The following IL1RAPL1 variants were observed in gnomAD, a reference collection of about 807,000 sequenced individuals.
IL1RAPL1 encodes the protein interleukin 1 receptor accessory protein like 1.
In IL1RAPL1, 3 loss-of-function variants were observed where a neutral mutation model predicts 48.4. The ratio of observed to expected loss-of-function variants is 0.06; its 90% CI spans 0.03 to 0.16. The LOEUF (loss-of-function observed/expected upper bound fraction) is 0.16. Among genes scored for constraint, IL1RAPL1 ranks in the 10% least tolerant of loss-of-function variants. IL1RAPL1 has a pLI of 1.00. For missense variants in IL1RAPL1, 349 were observed against 530.6 expected, an observed-to-expected ratio of 0.66 and a Z score of 3.36; for synonymous variants, 185 against 187.7, an observed-to-expected ratio of 0.99 and a Z score of 0.12.
At chrX:28,679,179 C>G (rs778469985) in intron 1 of IL1RAPL1, among the ~76,000 whole-genome samples, 6 of 111,781 alleles carry the variant, frequency 5.4e-5, no homozygotes, top group Non-Finnish European at 1.1e-4. Flanking sequence ...TGCATTTTCC[C>G]CATAATTAGC....
At chrX:28,712,113 T>C (rs1935448347) in intron 1 of IL1RAPL1, among the ~76,000 whole-genome samples, 1 of 111,189 alleles carries the variant, frequency 9.0e-6, no homozygotes, top group Non-Finnish European at 1.9e-5. Flanking sequence ...CTAGAAAGTC[T>C]GATGAATTGC....
intron 5 of IL1RAPL1, among the ~76,000 whole-genome samples, chrX:29,612,323 G>A (rs555930813): frequency 4.6e-4 from 51 of 109,805 alleles, no homozygotes; most frequent in African/African-American, 1.7e-3. Flanking sequence ...ACATACATTT[G>A]CAAAATGACA....
At chrX:28,617,300 G>C (rs1934231641) in intron 1 of IL1RAPL1, among the ~76,000 whole-genome samples, 1 of 111,135 alleles carries the variant, frequency 9.0e-6, no homozygotes, top group Non-Finnish European at 1.9e-5. Context: ...TAGTCTTTTT[G>C]GGGAAGAGGC....
intron 3 of IL1RAPL1, among the ~76,000 whole-genome samples, chrX:29,307,719 C>T (rs1429395281): frequency 8.9e-6 from 1 of 111,963 alleles, no homozygotes; most frequent in Non-Finnish European, 1.9e-5. Context: ...TATCTTATTG[C>T]ACTGAATGTA....
intron 6 of IL1RAPL1, among the ~76,000 whole-genome samples, chrX:29,733,502 G>C (rs148327801): frequency 0.011 from 1,203 of 111,930 alleles, 10 homozygotes; most frequent in African/African-American, 0.037. Flanking sequence ...GTGACCTTCA[G>C]AACTTTATGT....
intron 1 of IL1RAPL1, among the ~76,000 whole-genome samples, chrX:28,601,424 C>T (rs936502644): frequency 5.4e-5 from 6 of 110,568 alleles, no homozygotes; most frequent in Non-Finnish European, 1.1e-4. Context: ...GACTCCATCT[C>T]AAAACAAAAC....
At chrX:29,300,212 A>G (rs1437447585) in intron 3 of IL1RAPL1, among the ~76,000 whole-genome samples, 1 of 111,851 alleles carries the variant, frequency 8.9e-6, no homozygotes, top group Non-Finnish European at 1.9e-5. Context: ...TGATCCTTTT[A>G]AGAGAGTTCT....
intron 2 of IL1RAPL1, among the ~76,000 whole-genome samples, chrX:29,076,776 C>T (rs767499718): frequency 6.2e-4 from 42 of 67,702 alleles, no homozygotes; most frequent in Non-Finnish European, 3.3e-4. Flanking sequence ...ACAGATCTAT[C>T]TATCTGTCTG....
chrX:29,285,663 A>G (rs1932273684), intron 3 of IL1RAPL1, among the ~76,000 whole-genome samples: 1 of 111,261 alleles, frequency 9.0e-6, no homozygotes, highest in Non-Finnish European at 1.9e-5. Context: ...AGGTGAAACT[A>G]AAAGACAAAT....
rs952672729 is a variant in IL1RAPL1, at chrX:29,617,502, C to T, written c.704-50928C>T. Among the ~76,000 whole-genome samples, 5 of 111,940 alleles carry T rather than the reference C, an allele frequency of 4.5e-5. No homozygotes were observed. In the Admixed American group the frequency reaches 4.7e-4, roughly 11 times the overall value. On this transcript the variant is annotated intron_variant, in intron 5 of 10. Coordinates refer to ENST00000378993, the MANE Select transcript of IL1RAPL1 (RefSeq NM_014271.4). ...ATCTCTGGTGAGTCAATGAATCTCTCGCAGTTTATTTAGGTCAGGAGCTAT... is the reference window on the plus strand; with the variant it reads ...ATCTCTGGTGAGTCAATGAATCTCTTGCAGTTTATTTAGGTCAGGAGCTAT...
chrX:29,550,297 T>C lies in IL1RAPL1; in HGVS notation c.704-118133T>C, dbSNP rs1251169745. 4.5e-5 allele frequency among the ~76,000 whole-genome samples: 5 copies of C among 111,008 alleles called. No homozygotes were observed. The East Asian group carries it at 1.4e-3, about 31-fold the overall frequency. On this transcript the variant is annotated intron_variant, in intron 5 of 10. Transcript: ENST00000378993. ...AGCTCCGCCTCCCGGGTTCACGCCA[T>C]TCTCCTGCCTCAGCCTCCCGAGTAG...
intron 6 of IL1RAPL1, among the ~76,000 whole-genome samples, chrX:29,817,475 G>A (rs141674757): frequency 0.012 from 1,336 of 110,887 alleles, 23 homozygotes; most frequent in African/African-American, 0.041. Context: ...AAAGGTGTAT[G>A]AAGTACAATG....
intron 2 of IL1RAPL1, among the ~76,000 whole-genome samples, chrX:29,079,777 A>T (rs1217923901): frequency 9.9e-5 from 11 of 111,263 alleles, no homozygotes; most frequent in Non-Finnish European, 1.9e-4. Context: ...GGCAGTCGGT[A>T]AAAGTTCCAA....
In IL1RAPL1 at chrX:28,902,664, C is replaced by G. The variant is rs182995915; in HGVS notation, c.82+113239C>G. Reference sequence around the variant, plus strand: ...TCAAAACTAAGGGAAAAAATGAGGACAGGAAGTACTTTTTTATTACTCATG... The same window carrying G: ...TCAAAACTAAGGGAAAAAATGAGGAGAGGAAGTACTTTTTTATTACTCATG... On this transcript the variant is annotated intron_variant, in intron 2 of 10. Coordinates refer to ENST00000378993, the MANE Select transcript of IL1RAPL1 (RefSeq NM_014271.4). Among the ~76,000 whole-genome samples, 4 of 111,727 alleles carry G rather than the reference C, an allele frequency of 3.6e-5. No individual in the cohort carries two copies. The Admixed American group carries it at 3.8e-4, about 11-fold the overall frequency.
chrX:29,811,954 A>G (rs928183898), intron 6 of IL1RAPL1, among the ~76,000 whole-genome samples: 13 of 111,832 alleles, frequency 1.2e-4, no homozygotes, highest in Non-Finnish European at 2.1e-4. Flanking sequence ...TTCAGAATCT[A>G]TTCTCACCAA....
chrX:28,719,030 CTTT>C (rs375276196), intron 1 of IL1RAPL1, among the ~76,000 whole-genome samples: 18 of 110,965 alleles, frequency 1.6e-4, no homozygotes, highest in Admixed American at 5.8e-4. Flanking sequence ...CCTCAACTTT[CTTT>C]TTTGTTTCTG....
intron 6 of IL1RAPL1, among the ~76,000 whole-genome samples, chrX:29,720,553 T>C (rs949036675): frequency 2.1e-4 from 23 of 110,222 alleles, no homozygotes; most frequent in Non-Finnish European, 2.7e-4. Flanking sequence ...AGTTGAACAA[T>C]GAGAACACAT....
intron 2 of IL1RAPL1, among the ~76,000 whole-genome samples, chrX:28,948,952 T>C (rs930352958): frequency 1.8e-5 from 2 of 111,573 alleles, no homozygotes; most frequent in African/African-American, 6.5e-5. Flanking sequence ...TCTGAAAATA[T>C]CTTGTTGTAC....
chrX:29,771,262 T>C (rs1365839980), intron 6 of IL1RAPL1, among the ~76,000 whole-genome samples: 1 of 112,219 alleles, frequency 8.9e-6, no homozygotes, highest in Non-Finnish European at 1.9e-5. Context: ...CTTTCAACAA[T>C]GTCTCATATA....
Sources: allele counts gnomAD v4.1 joint callset (sites outside exome capture counted in the v4.1 genomes callset), GRCh38; gene constraint gnomAD v4.1.1; transcripts MANE v1.5; gene names NCBI Gene and HGNC (gene_info 2026-07-23, HGNC 2026-07-21).